The following RAD21L1 variants were observed in gnomAD, a reference collection of about 807,000 sequenced individuals.
RAD21L1 encodes the protein RAD21 cohesin complex component like 1, also known as double-strand-break repair protein rad21-like protein 1.
RAD21L1 carries 47 observed loss-of-function variants against 69.0 expected under a neutral mutation model. The observed-to-expected ratio is 0.68, with a 90% CI of 0.54 to 0.87. The LOEUF (loss-of-function observed/expected upper bound fraction) is 0.87. Ranked by LOEUF, RAD21L1 falls within the 40% of genes least tolerant of loss-of-function variation. The pLI is 0.00. For missense variants in RAD21L1, 583 were observed against 647.6 expected (o/e 0.90, Z 1.08); for synonymous variants, 177 against 205.8 (o/e 0.86, Z 1.20).
At chr20:1,238,239 T>C (rs750367680) in intron 6 of RAD21L1, 25 bp downstream of exon 6, 12 of 1,390,188 alleles carry the variant, frequency 8.6e-6, no homozygotes, top group Admixed American at 5.1e-5. Context: ...CATGTGGAAA[T>C]AAAATATTTA....
intron 12 of RAD21L1, among the ~76,000 whole-genome samples, chr20:1,247,468 G>C (rs1284591666): frequency 1.3e-5 from 2 of 152,076 alleles, no homozygotes; most frequent in African/African-American, 4.8e-5. Context: ...TTTATCCAAG[G>C]AGAGACCAGA....
chr20:1,232,499 A>G (rs1415211981), intron 4 of RAD21L1, among the ~76,000 whole-genome samples: 1 of 152,234 alleles, frequency 6.6e-6, no homozygotes, highest in Non-Finnish European at 1.5e-5. Context: ...CATCTCACCC[A>G]GGTGGTAGCA....
rs923982052 is a variant in RAD21L1, at chr20:1,239,361, G to C, written c.696G>C (p.Leu232Phe). Residue 232 changes from leucine (L) to phenylalanine (F), a missense_variant, in exon 7 of 14, where the codon TTG (leucine) becomes TTC (phenylalanine). Physicochemically the swap from Leu to Phe is conservative, Grantham distance 22. Transcript: ENST00000683101. ...ATATCCTGTTAGAAGACATGCATTT[G>C]AACAGAGAAATTTCCCTGCCTTCTG... is the stretch of plus-strand genomic sequence containing the variant. ...DQNILLEDMH[L>F]NREISLPSEP... 2 of 1,550,608 alleles carry C rather than the reference G, an allele frequency of 1.3e-6. No homozygotes were observed. Among genetic ancestry groups the C allele is most frequent in the Non-Finnish European group, 1.7e-6 (2 of 1,146,046 alleles).
At chr20:1,248,563 G>A in intron 12 of RAD21L1, 63 bp from the exon 13 acceptor site, 1 of 899,192 alleles carries the variant, frequency 1.1e-6, no homozygotes, top group Non-Finnish European at 1.7e-6. Flanking sequence ...CACTATGATG[G>A]GCAAATAGTC....
intron 13 of RAD21L1, among the ~76,000 whole-genome samples, chr20:1,253,672 A>T (rs1177073550): frequency 2.6e-5 from 4 of 152,230 alleles, no homozygotes; most frequent in Non-Finnish European, 5.9e-5. Context: ...CTTCATGAAA[A>T]GAGTTATCTT....
intron 13 of RAD21L1, 112 bp from the exon 14 acceptor site, chr20:1,254,157 A>T: frequency 1.5e-6 from 1 of 663,982 alleles, no homozygotes; most frequent in Non-Finnish European, 2.4e-6. Flanking sequence ...AGGATTTTAT[A>T]GTCATTTATC....
At chr20:1,233,777 A>G (rs2087441473) in intron 4 of RAD21L1, among the ~76,000 whole-genome samples, 1 of 152,098 alleles carries the variant, frequency 6.6e-6, no homozygotes, top group Non-Finnish European at 1.5e-5. Context: ...ATACCATCAC[A>G]TTGGAGATTA....
rs1433327754 is a variant in RAD21L1, at chr20:1,242,724, C to T, written c.962C>T (p.Thr321Ile). Residue 321 changes from threonine (T) to isoleucine (I), a missense_variant, in exon 9 of 14, where the codon ACA becomes ATA. Physicochemically the swap from Thr to Ile is moderately conservative, Grantham distance 89. Coordinates refer to ENST00000683101, the MANE Select transcript of RAD21L1 (RefSeq NM_001384355.1). ...IHKQLTSFAD[T>I]LMVLELAPPT... The stretch of plus-strand genomic sequence containing the variant: ...AAACAGCTTACTTCCTTTGCGGACA[C>T]ACTCATGGTTTTGGAACTTGCACCT... 1 of 1,551,586 alleles carries T rather than the reference C, an allele frequency of 6.4e-7. No homozygotes were observed. Among genetic ancestry groups the T allele is most frequent in the Non-Finnish European group, 8.7e-7 (1 of 1,146,858 alleles).
intron 4 of RAD21L1, among the ~76,000 whole-genome samples, chr20:1,233,355 T>G (rs1185704203): frequency 1.3e-5 from 2 of 152,076 alleles, no homozygotes; most frequent in Non-Finnish European, 2.9e-5. Flanking sequence ...GACTTAGTAT[T>G]TGGTCATTCC....
intron 5 of RAD21L1, 97 bp from the exon 6 acceptor site, chr20:1,237,947 T>C: frequency 1.7e-6 from 1 of 588,186 alleles, no homozygotes; most frequent in Middle Eastern, 4.9e-4. Flanking sequence ...AATGAGGTGT[T>C]GGATGACAAG....
intron 6 of RAD21L1, among the ~76,000 whole-genome samples, chr20:1,238,670 C>G (rs2087547322): frequency 6.6e-6 from 1 of 152,012 alleles, no homozygotes; most frequent in Non-Finnish European, 1.5e-5. Flanking sequence ...AATACCTCTA[C>G]CTATCCTCAA....
intron 13 of RAD21L1, among the ~76,000 whole-genome samples, chr20:1,250,478 A>G (rs1449484302): frequency 1.3e-5 from 2 of 150,806 alleles, no homozygotes; most frequent in Non-Finnish European, 2.9e-5. Context: ...TGTCCTTGTG[A>G]TAGTTTGCTG....
In RAD21L1 at chr20:1,240,312, G is replaced by A; in HGVS notation, c.743-9G>A. 6.6e-7 allele frequency: 1 copy of A among 1,525,426 alleles called. No homozygotes were observed. The highest frequency in any genetic ancestry group is 8.8e-7 in the Non-Finnish European group (1 of 1,137,888). The allele number at this position is 1,525,426 out of a possible 1,614,324, so 94.5% of individuals were successfully genotyped here. A position where few individuals can be genotyped will look rare whatever the true frequency, so the allele number is the denominator to read the frequency against. On this transcript the variant is annotated splice_polypyrimidine_tract_variant and intron_variant, in intron 7 of 13. Coordinates refer to ENST00000683101, the MANE Select transcript of RAD21L1 (RefSeq NM_001384355.1). Reference sequence around the variant, plus strand: ...TTTTTACAATTACTTTTATGTGGATGTTGATTAGTTGAACCAGATAACTCA... The same window carrying A: ...TTTTTACAATTACTTTTATGTGGATATTGATTAGTTGAACCAGATAACTCA...
At chr20:1,227,331 G>T (rs933277361) in intron 1 of RAD21L1, among the ~76,000 whole-genome samples, 2 of 152,260 alleles carry the variant, frequency 1.3e-5, no homozygotes, top group African/African-American at 4.8e-5. Flanking sequence ...CCAGCGCAAG[G>T]TACAAGCCAT....
intron 4 of RAD21L1, 111 bp from the exon 5 acceptor site, chr20:1,233,970 ATAAT>A (rs1034425561): frequency 1.7e-6 from 1 of 571,450 alleles, no homozygotes; most frequent in African/African-American, 1.9e-5. Flanking sequence ...GTGTTTATAA[ATAAT>A]ACTATTGAGA....
chr20:1,249,955 A>T (rs2087793186), intron 13 of RAD21L1, among the ~76,000 whole-genome samples: 1 of 150,822 alleles, frequency 6.6e-6, no homozygotes, highest in Non-Finnish European at 1.5e-5. Flanking sequence ...TGCTGCACCC[A>T]TTAACTCGTC....
rs1392043928 is a variant in RAD21L1, at chr20:1,255,488, T to C, written c.*1031T>C. Among the ~76,000 whole-genome samples, 1 of 152,220 alleles carries C rather than the reference T, an allele frequency of 6.6e-6. No homozygotes were observed. Among genetic ancestry groups the C allele is most frequent in the African/African-American group, 2.4e-5 (1 of 41,472 alleles). ...CATTAAAATGTTGTTATATCTGGAA[T>C]TATGCTGCAAACAACAAATTCTAAA... is the stretch of plus-strand genomic sequence containing the variant. On this transcript the variant is annotated 3_prime_UTR_variant, in exon 14 of 14. Coordinates refer to ENST00000683101, the MANE Select transcript of RAD21L1 (RefSeq NM_001384355.1).
chr20:1,250,260 C>T (rs203528), intron 13 of RAD21L1, among the ~76,000 whole-genome samples: 20 of 146,112 alleles, frequency 1.4e-4, no homozygotes, highest in Non-Finnish European at 1.8e-4. Context: ...TTCTTTTTTT[C>T]TTTTTTATTA....
At chr20:1,235,792 G>A (rs1384664704) in intron 5 of RAD21L1, among the ~76,000 whole-genome samples, 1 of 151,170 alleles carries the variant, frequency 6.6e-6, no homozygotes, top group African/African-American at 2.4e-5. Context: ...TTTTTAAATG[G>A]GGTCTTGTTC....
Sources: allele counts gnomAD v4.1 joint callset (sites outside exome capture counted in the v4.1 genomes callset), GRCh38; gene constraint gnomAD v4.1.1; transcripts MANE v1.5; gene names NCBI Gene and HGNC (gene_info 2026-07-23, HGNC 2026-07-21).